PDE4D: variants seen among roughly 807,000 people sequenced by gnomAD.
PDE4D encodes 3',5'-cyclic-AMP phosphodiesterase 4D.
A neutral mutation model predicts 87.4 loss-of-function variants in PDE4D; 24 were observed. That is an observed-to-expected ratio of 0.27 (90% CI 0.20 to 0.39). The LOEUF is 0.39. Among genes scored for constraint, PDE4D ranks in the 10% least tolerant of loss-of-function variants. The pLI, the probability that PDE4D is intolerant of heterozygous loss-of-function variation, is 1.00. For synonymous variants in PDE4D, 384 were observed against 383.2 expected (o/e 1.00, Z -0.02); for missense variants, 714 against 1,041.0 (o/e 0.69, Z 4.32).
At chr5:58,994,779 A>G (rs1426906801) in intron 6 of PDE4D, among the ~76,000 whole-genome samples, 1 of 152,170 alleles carries the variant, frequency 6.6e-6, no homozygotes. Context: ...AACTGTTATC[A>G]AAACAAACAA....
At chr5:59,615,854 T>C (rs1432963188) in intron 1 of PDE4D, among the ~76,000 whole-genome samples, 1 of 152,162 alleles carries the variant, frequency 6.6e-6, no homozygotes, top group Non-Finnish European at 1.5e-5. Flanking sequence ...TACAGCGAAG[T>C]ATAGGTCTAG....
intron 5 of PDE4D, among the ~76,000 whole-genome samples, chr5:59,078,758 A>AG (rs1766149154): frequency 3.3e-5 from 5 of 151,934 alleles, no homozygotes; most frequent in Admixed American, 3.3e-4. Flanking sequence ...CAAGTGATCC[A>AG]CCCACCTCAG....
At chr5:60,086,431 C>T (rs912510728) in intron 2 of PDE4D, among the ~76,000 whole-genome samples, 1 of 152,074 alleles carries the variant, frequency 6.6e-6, no homozygotes, top group African/African-American at 2.4e-5. Flanking sequence ...GTATTCTAGC[C>T]TTTCTAGTGA....
chr5:60,310,208 C>A (rs1000259125), intron 1 of PDE4D, among the ~76,000 whole-genome samples: 1 of 152,046 alleles, frequency 6.6e-6, no homozygotes, highest in African/African-American at 2.4e-5. Flanking sequence ...TCTCTTTGAC[C>A]TGATAGTTAT....
At chr5:59,167,601 G>C (rs1782105990) in intron 5 of PDE4D, among the ~76,000 whole-genome samples, 1 of 152,122 alleles carries the variant, frequency 6.6e-6, no homozygotes, top group Admixed American at 6.5e-5. Flanking sequence ...ACTGTAGGCA[G>C]CTTCTTAGCT....
chr5:59,059,460 A>G (rs1458482526), intron 5 of PDE4D, among the ~76,000 whole-genome samples: 2 of 152,194 alleles, frequency 1.3e-5, no homozygotes, highest in African/African-American at 4.8e-5. Flanking sequence ...GTGAGACTTT[A>G]GGACTCTCTC....
intron 1 of PDE4D, among the ~76,000 whole-genome samples, chr5:59,533,265 T>C (rs937645088): frequency 2.6e-5 from 4 of 152,236 alleles, no homozygotes; most frequent in African/African-American, 7.2e-5. Context: ...TCCAATTTTA[T>C]TGAAAACATT....
At chr5:60,421,909 A>G (rs956373685) in intron 1 of PDE4D, among the ~76,000 whole-genome samples, 1 of 152,254 alleles carries the variant, frequency 6.6e-6, no homozygotes, top group Non-Finnish European at 1.5e-5. Flanking sequence ...ACAAGCTTCA[A>G]TAGCCTGTTA....
intron 3 of PDE4D, among the ~76,000 whole-genome samples, chr5:59,188,850 A>T (rs576573657): frequency 2.6e-5 from 4 of 152,348 alleles, no homozygotes; most frequent in African/African-American, 9.6e-5. Flanking sequence ...GAAAAGGTTG[A>T]TAGACAATTT....
In PDE4D at chr5:59,435,230, A is replaced by G. The variant is rs185800316; in HGVS notation, c.456-219262T>C. Among the ~76,000 whole-genome samples, 21 of 152,246 alleles carry G rather than the reference A, an allele frequency of 1.4e-4. 1 individual carries two copies. In the East Asian group the frequency reaches 4.1e-3, roughly 29 times the overall value. ...TATCTTAAAATGGAAATCTTAGCAA[A>G]CTCATGCAAGGACATGAACATGTGA... is the stretch of plus-strand genomic sequence containing the variant. On this transcript the variant is annotated intron_variant, in intron 1 of 14. Transcript: ENST00000340635.
At chr5:60,361,283 T>C (rs1760038115) in intron 1 of PDE4D, among the ~76,000 whole-genome samples, 1 of 152,194 alleles carries the variant, frequency 6.6e-6, no homozygotes, top group Non-Finnish European at 1.5e-5. Context: ...GGATTGAATT[T>C]AGTTTGTAAT....
rs941430105 is a variant in PDE4D at position 59,414,709 on chromosome 5, G to T, written c.456-198741C>A. 9.2e-5 allele frequency among the ~76,000 whole-genome samples: 14 copies of T among 152,176 alleles called. No individual in the cohort carries two copies. In the South Asian group the frequency reaches 1.2e-3, roughly 14 times the overall value. Reference sequence around the variant, plus strand: ...CTGTGCTCTGTTACAGAGATATCAAGATATCGAACAAACAACAAAACAAAA... The same window carrying T: ...CTGTGCTCTGTTACAGAGATATCAATATATCGAACAAACAACAAAACAAAA... On this transcript the variant is annotated intron_variant, in intron 1 of 14. Coordinates refer to ENST00000340635, the MANE Select transcript of PDE4D (RefSeq NM_001104631.2).
At chr5:60,441,831 T>TG (rs1745240116) in intron 1 of PDE4D, among the ~76,000 whole-genome samples, 1 of 151,816 alleles carries the variant, frequency 6.6e-6, no homozygotes, top group Non-Finnish European at 1.5e-5. Context: ...TGCAAACGTA[T>TG]GAAAAAAAAG....
chr5:59,837,120 G>C (rs1312154851), intron 1 of PDE4D, among the ~76,000 whole-genome samples: 2 of 151,802 alleles, frequency 1.3e-5, no homozygotes, highest in African/African-American at 4.8e-5. Context: ...CTTCACCCAG[G>C]CTCATTCTAA....
At chr5:59,803,779 C>T (rs1561687925) in intron 1 of PDE4D, among the ~76,000 whole-genome samples, 1 of 152,160 alleles carries the variant, frequency 6.6e-6, no homozygotes, top group African/African-American at 2.4e-5. Context: ...ACTCATGCTT[C>T]AACACAGACA....
chr5:58,971,900 TG>T lies in PDE4D; in HGVS notation c.*2763del, dbSNP rs542389616. Reference sequence around the variant, plus strand: ...GAGAGAAGGGCAAGGATAAGCAGATTGTACAGTGCATTAGTCCCTGTCTCTT... The same window carrying T: ...GAGAGAAGGGCAAGGATAAGCAGATTTACAGTGCATTAGTCCCTGTCTCTT... On this transcript the variant is annotated 3_prime_UTR_variant, in exon 15 of 15. Coordinates refer to ENST00000340635, the MANE Select transcript of PDE4D (RefSeq NM_001104631.2). 2 of 152,676 alleles carry T rather than the reference TG, an allele frequency of 1.3e-5. No individual in the cohort carries two copies. The highest frequency in any genetic ancestry group is 3.9e-4 in the East Asian group (2 of 5,176). The allele number at this position is 152,676 out of a possible 1,614,324, so 9.5% of individuals were successfully genotyped here.
intron 1 of PDE4D, among the ~76,000 whole-genome samples, chr5:59,287,787 A>G (rs1767276153): frequency 6.6e-6 from 1 of 152,124 alleles, no homozygotes; most frequent in Admixed American, 6.6e-5. Flanking sequence ...TTTGGGAGAA[A>G]GTAAGAGAAG....
At chr5:59,227,588 G>C (rs1754088445) in intron 1 of PDE4D, among the ~76,000 whole-genome samples, 1 of 152,024 alleles carries the variant, frequency 6.6e-6, no homozygotes, top group Non-Finnish European at 1.5e-5. Flanking sequence ...AGTGGGCAAA[G>C]GACATGAACA....
At chr5:59,039,195 T>C in intron 5 of PDE4D, 1 of 1,303,534 alleles carries the variant, frequency 7.7e-7, no homozygotes, top group Non-Finnish European at 9.7e-7. Context: ...CAGCTTGGCG[T>C]CTCGGGTCGG....
Sources: gnomAD v4.1 joint callset for allele counts (sites outside exome capture counted in the v4.1 genomes callset) on GRCh38, gnomAD v4.1.1 for gene constraint, MANE v1.5 for transcripts, NCBI Gene and HGNC (gene_info 2026-07-23, HGNC 2026-07-21) for gene names.